AXIN2: variants seen among roughly 807,000 people sequenced by gnomAD.
AXIN2 encodes the protein axin-2.
Under a neutral mutation model 74.7 loss-of-function variants are expected in AXIN2, and 21 were observed. The ratio of observed to expected loss-of-function variants is 0.28; its 90% CI spans 0.20 to 0.40. The LOEUF is 0.40. Ranked by LOEUF, AXIN2 falls within the 10% of genes least tolerant of loss-of-function variation. The pLI is 1.00. For missense variants in AXIN2, 1,144 were observed against 1,111.1 expected, an observed-to-expected ratio of 1.03 and a Z score of -0.42; for synonymous variants, 532 against 454.9, an observed-to-expected ratio of 1.17 and a Z score of -2.16.
chr17:65,535,162 C>A (rs1401128393), intron 9 of AXIN2, among the ~76,000 whole-genome samples: 1 of 152,208 alleles, frequency 6.6e-6, no homozygotes, highest in African/African-American at 2.4e-5. Flanking sequence ...GGCTCCTCAA[C>A]CTACTTTGAA....
At chr17:65,559,812 G>C (rs568882786) in intron 1 of AXIN2, 2 of 152,426 alleles carry the variant, frequency 1.3e-5, no homozygotes, top group African/African-American at 4.8e-5. Context: ...CGAGAAGCCA[G>C]GGACCCCGGA....
rs1370683976 is a variant in AXIN2 at position 65,535,614 on chromosome 17, A to G, written c.2237+12T>C. The G allele has an allele frequency of 1.9e-6, 3 of 1,611,898 alleles. No individual in the cohort carries two copies. On this transcript the variant is annotated intron_variant, in intron 9 of 10. Transcript: ENST00000307078. The stretch of plus-strand genomic sequence containing the variant: ...TCGGCAGATCTCAGTAATGTCAGGT[A>G]AAGACACTCACTCTTCTGGAGCCAG...
rs2043773257 is a variant in AXIN2, at chr17:65,529,022, T to C, written c.*954A>G. ...CTGGGTCTCCCTACAACTGTTCATT[T>C]CTTTGTGGGGCAGGGGGTAGTTCCT... On this transcript the variant is annotated 3_prime_UTR_variant, in exon 11 of 11. Transcript: ENST00000307078. The C allele has an allele frequency of 4.2e-6, 1 of 239,166 alleles. No homozygotes were observed. The highest frequency in any genetic ancestry group is 6.0e-5 in the East Asian group (1 of 16,684). 14.8% of individuals were successfully genotyped at this position (239,166 alleles called of 1,614,324 possible).
chr17:65,558,378 G>T lies in AXIN2; in HGVS notation c.243C>A (p.Ser81=), dbSNP rs573383663. The change falls in exon 2 of 11, where the codon TCC becomes TCA. Residue 81 remains serine (S), a synonymous_variant. Transcript: ENST00000307078. The part of the protein sequence containing the change: ...PDSPLTRWTK[S]LHSLLGDQDG... ...CTTGATCGCCCAATAAGGAGTGTAA[G>T]GACTTGGTCCACCGGGTCAGAGGGG... 1 of 1,610,920 alleles carries T rather than the reference G, an allele frequency of 6.2e-7. No homozygotes were observed. Among genetic ancestry groups the T allele is most frequent in the Admixed American group, 1.7e-5 (1 of 59,912 alleles).
At chr17:65,538,507 C>T (rs1369198530) in intron 4 of AXIN2, among the ~76,000 whole-genome samples, 164 bp from the exon 5 acceptor site, 1 of 151,856 alleles carries the variant, frequency 6.6e-6, no homozygotes, top group Non-Finnish European at 1.5e-5. Flanking sequence ...TATGCGCTAG[C>T]GCCATGGCCT....
rs557397475 is a variant in AXIN2 at position 65,537,785 on chromosome 17, C to A, written c.1251G>T (p.Ala417=). The stretch of plus-strand genomic sequence containing the variant: ...GTAGGGAGAGGGGGTGCTGCGTGGG[C>A]GCCCCCTCCCGCGAATTGAGTGTGA... The part of the protein sequence containing the change: ...SELTLNSREG[A]PTQHPLSLLP... The change falls in exon 6 of 11, where the codon GCG becomes GCT. Residue 417 remains alanine (A), a synonymous_variant. Transcript: ENST00000307078. The A allele has an allele frequency of 1.1e-5, 18 of 1,586,340 alleles. No individual in the cohort carries two copies. In the Admixed American group the frequency reaches 1.6e-4, roughly 14 times the overall value.
chr17:65,537,274 G>A, intron 6 of AXIN2, 50 bp downstream of exon 6: 2 of 1,611,378 alleles, frequency 1.2e-6, no homozygotes, highest in Non-Finnish European at 1.7e-6. Context: ...CCATGGACCT[G>A]GCTGGGAGAC....
chr17:65,549,904 G>C (rs1244867704), intron 2 of AXIN2, among the ~76,000 whole-genome samples: 1 of 151,796 alleles, frequency 6.6e-6, no homozygotes, highest in African/African-American at 2.4e-5. Context: ...TGCCAGGGCA[G>C]AGAGTATTCC....
intron 1 of AXIN2, chr17:65,560,231 G>A (rs62063459): frequency 0.18 from 27,930 of 152,260 alleles, 2,858 homozygotes; most frequent in African/African-American, 0.27. Flanking sequence ...AAGGGGCCGG[G>A]GCGGCCACGG....
Position 65,541,539 on chromosome 17 carries a change from A to G in AXIN2, c.975T>C (p.Tyr325=), listed in dbSNP as rs1555579360. Residue 325 remains tyrosine (Y), a synonymous_variant, in exon 4 of 11, where the codon TAT becomes TAC. Coordinates refer to ENST00000307078, the MANE Select transcript of AXIN2 (RefSeq NM_004655.4). ...GGAGCTGTTTCTTACTGCCCACACG[A>G]TAAGGAGGAATTCCATCTCTAAGGG... is the stretch of plus-strand genomic sequence containing the variant. ...TDSSVDGIPP[Y]RVGSKKQLQR... 3 of 1,613,942 alleles carry G rather than the reference A, an allele frequency of 1.9e-6. No individual in the cohort carries two copies. Among genetic ancestry groups the G allele is most frequent in the Admixed American group, 1.7e-5 (1 of 60,006 alleles).
In AXIN2 at chr17:65,557,848, G is replaced by A. The variant is rs1473358053; in HGVS notation, c.773C>T (p.Thr258Met). ...AGTTTCCGTGGACCTCACACTCGCC[G>A]TGGCCCTCAGAGTTTTGCTGGACAA... ...VGLSSKTLRA[T>M]ASVRSTETVD... Residue 258 changes from threonine (T) to methionine (M), a missense_variant, in exon 2 of 11, where the codon ACG becomes ATG. Physicochemically the swap from Thr to Met is moderately conservative, Grantham distance 81 (BLOSUM62 -1). Around this residue, in one of 4 missense-constraint regions of AXIN2, gnomAD observed 1,053 missense variants for 973.5 expected, o/e 1.08. Coordinates refer to ENST00000307078, the MANE Select transcript of AXIN2 (RefSeq NM_004655.4). The A allele has an allele frequency of 7.4e-6, 12 of 1,614,146 alleles. No individual in the cohort carries two copies. The highest frequency in any genetic ancestry group is 1.6e-4 in the Middle Eastern group (1 of 6,062).
chr17:65,559,508 C>G (rs1186787283), intron 1 of AXIN2: 1 of 151,724 alleles, frequency 6.6e-6, no homozygotes, highest in Non-Finnish European at 1.5e-5. Context: ...AACCAGAAAC[C>G]AACTCACTCA....
At position 65,537,037 on chromosome 17, in the gene AXIN2, T is replaced by G; in HGVS notation, c.1739A>C (p.Lys580Thr). The part of the protein sequence containing the change: ...FGGSRGSTLP[K>T]RNGKGTEPGL... ...CGGCTCCGTGCCTTTCCCATTGCGT[T>G]TGGGCAAGGTACTGCCTCTGCTGCC... Residue 580 changes from lysine (K) to threonine (T), a missense_variant, in exon 7 of 11, where the codon AAA becomes ACA. Lys to Thr is a moderately conservative substitution (Grantham distance 78, BLOSUM62 -1). This residue lies in a region of AXIN2 where 1,053 missense variants were observed against 973.5 expected (regional missense o/e 1.08). Coordinates refer to ENST00000307078, the MANE Select transcript of AXIN2 (RefSeq NM_004655.4). The G allele has an allele frequency of 6.2e-7, 1 of 1,608,376 alleles. No individual in the cohort carries two copies. The highest frequency in any genetic ancestry group is 8.5e-7 in the Non-Finnish European group (1 of 1,179,782).
intron 9 of AXIN2, among the ~76,000 whole-genome samples, chr17:65,535,265 T>C (rs2043888724): frequency 6.6e-6 from 1 of 152,216 alleles, no homozygotes; most frequent in Non-Finnish European, 1.5e-5. Flanking sequence ...CCCCTCCACC[T>C]CTGCCACAGT....
Position 65,558,247 on chromosome 17 carries a change from G to C in AXIN2, c.374C>G (p.Thr125Ser), listed in dbSNP as rs2144586968. 6.2e-7 allele frequency: 1 copy of C among 1,614,052 alleles called. No homozygotes were observed. The highest frequency in any genetic ancestry group is 8.5e-7 in the Non-Finnish European group (1 of 1,180,016). ...NGFRQMNLKDTKTLRVAKAIY... is the reference protein window; with the variant it reads ...NGFRQMNLKDSKTLRVAKAIY... ...CGCTTTGGCTACTCGTAAAGTTTTG[G>C]TATCCTTCAGGTTCATCTGCCTGAA... The change falls in exon 2 of 11, where the codon ACC becomes AGC. Residue 125 changes from threonine (T) to serine (S), a missense_variant. Physicochemically the swap from Thr to Ser is moderately conservative, Grantham distance 58 (BLOSUM62 1). Around this residue, in one of 4 missense-constraint regions of AXIN2, gnomAD observed 1,053 missense variants for 973.5 expected, o/e 1.08. Transcript: ENST00000307078.
At chr17:65,539,589 G>A (rs1350879118) in intron 4 of AXIN2, among the ~76,000 whole-genome samples, 1 of 152,246 alleles carries the variant, frequency 6.6e-6, no homozygotes, top group Non-Finnish European at 1.5e-5. Flanking sequence ...GGGAGGGGAT[G>A]CTAGAGGTCC....
intron 9 of AXIN2, 143 bp from the exon 10 acceptor site, chr17:65,534,222 G>A (rs2043871566): frequency 1.9e-6 from 2 of 1,041,866 alleles, no homozygotes; most frequent in African/African-American, 3.1e-5. Context: ...TGGGGGCTGG[G>A]GCAGAGCCCC....
chr17:65,551,394 C>T (rs1347589789), intron 2 of AXIN2, among the ~76,000 whole-genome samples: 1 of 152,030 alleles, frequency 6.6e-6, no homozygotes, highest in Non-Finnish European at 1.5e-5. Flanking sequence ...TGGCAAGGGA[C>T]GTAGGTCTTC....
At chr17:65,558,796 A>G (rs1365745055) in intron 1 of AXIN2, 60 bp from the exon 2 acceptor site, 3 of 656,136 alleles carry the variant, frequency 4.6e-6, no homozygotes, top group Admixed American at 2.5e-5. Flanking sequence ...TCTAATCAAA[A>G]CCAGATCTAC....
Sources: gnomAD v4.1 joint callset for allele counts (sites outside exome capture counted in the v4.1 genomes callset) on GRCh38, gnomAD v4.1.1 for gene constraint, gnomAD v4.1.1 regional missense constraint, MANE v1.5 for transcripts, NCBI Gene and HGNC (gene_info 2026-07-23, HGNC 2026-07-21) for gene names.